Variants in CALN1 observed in about 807,000 individuals in gnomAD.
CALN1 encodes calcium-binding protein 8.
CALN1 carries 17 observed loss-of-function variants against 30.6 expected under a neutral mutation model. The observed-to-expected ratio is 0.56, with a 90% CI of 0.38 to 0.83. The LOEUF (loss-of-function observed/expected upper bound fraction) is 0.83. CALN1 is among the 40% of genes least tolerant of loss of function. The pLI, the probability that CALN1 is intolerant of heterozygous loss-of-function variation, is 0.00. For missense variants in CALN1, 291 were observed against 354.9 expected, an observed-to-expected ratio of 0.82 and a Z score of 1.45; for synonymous variants, 156 against 131.4, an observed-to-expected ratio of 1.19 and a Z score of -1.28.
chr7:72,245,127 T>TC, intron 3 of CALN1, among the ~76,000 whole-genome samples: 1 of 152,248 alleles, frequency 6.6e-6, no homozygotes, highest in Middle Eastern at 3.4e-3. Flanking sequence ...GACAGAACAA[T>TC]CCCCGCTGGA....
At chr7:72,493,663 T>G in the CALN1 span, among the ~76,000 whole-genome samples, 33 of 152,322 alleles carry the variant, frequency 2.2e-4, no homozygotes, top group Middle Eastern at 6.8e-3. Context: ...ATCATAACTC[T>G]TACAGCATCT....
At chr7:72,455,421 A>G in the CALN1 span, among the ~76,000 whole-genome samples, 1 of 151,744 alleles carries the variant, frequency 6.6e-6, no homozygotes, top group Non-Finnish European at 1.5e-5. Flanking sequence ...TATTATATAT[A>G]TATTTTTTCT....
chr7:71,986,025 T>C (rs939559871), intron 5 of CALN1, among the ~76,000 whole-genome samples: 1 of 151,968 alleles, frequency 6.6e-6, no homozygotes, highest in Non-Finnish European at 1.5e-5. Flanking sequence ...ATAATCTATA[T>C]TGACACGCAT....
intron 2 of CALN1, among the ~76,000 whole-genome samples, chr7:72,312,484 C>T (rs4645475): frequency 0.19 from 28,098 of 151,680 alleles, 3,628 homozygotes; most frequent in East Asian, 0.41. Context: ...AGCCATGTGC[C>T]CCAGGACAGA....
intron 2 of CALN1, among the ~76,000 whole-genome samples, chr7:72,381,811 T>C (rs1407806149): frequency 6.6e-6 from 1 of 152,234 alleles, no homozygotes; most frequent in Non-Finnish European, 1.5e-5. Flanking sequence ...GGCACATGTA[T>C]ACTTATGTAA....
At chr7:72,423,172 A>G (rs993931) in intron 1 of CALN1, among the ~76,000 whole-genome samples, 48,548 of 151,610 alleles carry the variant, frequency 0.32, 9,095 homozygotes, top group Middle Eastern at 0.47. Context: ...TATCAATTTC[A>G]CCTAATCTTA....
At chr7:71,937,335 A>AC (rs1795894092) in intron 5 of CALN1, among the ~76,000 whole-genome samples, 1 of 151,566 alleles carries the variant, frequency 6.6e-6, no homozygotes, top group Admixed American at 6.6e-5. Context: ...CCAAAAAAAA[A>AC]CCCCATACGT....
chr7:72,035,687 G>A (rs1487732969), intron 4 of CALN1, among the ~76,000 whole-genome samples: 2 of 151,952 alleles, frequency 1.3e-5, no homozygotes, highest in African/African-American at 2.4e-5. Context: ...CTCTAATTTG[G>A]ATTTATACCA....
intron 5 of CALN1, among the ~76,000 whole-genome samples, chr7:71,832,694 A>C (rs1789361885): frequency 6.6e-6 from 1 of 151,756 alleles, no homozygotes; most frequent in Admixed American, 6.6e-5. Context: ...TCTGCCTCCC[A>C]GGCTTAAGTG....
Position 71,801,373 on chromosome 7 carries a change from T to G in CALN1, c.658+8963A>C, listed in dbSNP as rs1412925432. Among the ~76,000 whole-genome samples, 4 of 151,858 alleles carry G rather than the reference T, an allele frequency of 2.6e-5. No homozygotes were observed. The East Asian group carries it at 5.8e-4, about 22-fold the overall frequency. On this transcript the variant is annotated intron_variant, in intron 6 of 6. Coordinates refer to ENST00000395275, the MANE Select transcript of CALN1 (RefSeq NM_031468.4). ...GACTACAGGTGCCTGCCACCATGCC[T>G]GGTTATGTATGTATGTATGTATGTA...
intron 5 of CALN1, among the ~76,000 whole-genome samples, chr7:72,007,406 G>T (rs889194813): frequency 7.9e-5 from 12 of 152,144 alleles, no homozygotes; most frequent in Non-Finnish European, 1.2e-4. Flanking sequence ...AATTAGCTGG[G>T]TATGGTGGCG....
In CALN1 at chr7:72,223,076, A is replaced by C. The variant is rs1192066210; in HGVS notation, c.244+55610T>G. Among the ~76,000 whole-genome samples, 3 of 152,338 alleles carry C rather than the reference A, an allele frequency of 2.0e-5. No individual in the cohort carries two copies. The East Asian group carries it at 5.8e-4, about 29-fold the overall frequency. ...GTAGCCCCTGCTTAGGGTGAGCTAC[A>C]GGCTCCTGTTAAAGCAGTTGGCACT... On this transcript the variant is annotated intron_variant, in intron 3 of 6. Coordinates refer to ENST00000395275, the MANE Select transcript of CALN1 (RefSeq NM_031468.4).
chr7:72,182,617 G>A (rs546861931), intron 3 of CALN1, among the ~76,000 whole-genome samples: 7 of 152,180 alleles, frequency 4.6e-5, no homozygotes, highest in East Asian at 3.9e-4. Flanking sequence ...CTACTTGGGA[G>A]GCTGAGGCGG....
At chr7:72,435,811 T>C (rs1187966722) in intron 1 of CALN1, among the ~76,000 whole-genome samples, 12 of 152,224 alleles carry the variant, frequency 7.9e-5, no homozygotes, top group Non-Finnish European at 1.3e-4. Context: ...AGCTTTATTA[T>C]AGTTTTTATT....
intron 2 of CALN1, among the ~76,000 whole-genome samples, chr7:72,318,833 T>C (rs1380531063): frequency 3.3e-4 from 1 of 3,022 alleles, no homozygotes; most frequent in South Asian, 0.25. Flanking sequence ...ATTTCAGGCA[T>C]GTGTCAGGAA....
At chr7:71,856,321 C>T (rs1386895180) in intron 5 of CALN1, among the ~76,000 whole-genome samples, 1 of 151,782 alleles carries the variant, frequency 6.6e-6, no homozygotes. Flanking sequence ...CAGGGTCTTA[C>T]TCTGTGGCCC....
intron 4 of CALN1, among the ~76,000 whole-genome samples, chr7:72,081,020 T>G (rs1426190763): frequency 2.6e-5 from 4 of 152,110 alleles, no homozygotes; most frequent in Admixed American, 2.6e-4. Context: ...AATGAGAACT[T>G]TCCGAGGGAT....
At chr7:71,968,289 TTA>T (rs1479609765) in intron 5 of CALN1, among the ~76,000 whole-genome samples, 1 of 151,982 alleles carries the variant, frequency 6.6e-6, no homozygotes, top group African/African-American at 2.4e-5. Context: ...GGCCAAAAGG[TTA>T]TATACTGTTT....
chr7:72,495,435 C>G, the CALN1 span, among the ~76,000 whole-genome samples: 1 of 152,158 alleles, frequency 6.6e-6, no homozygotes. Context: ...TGATTGAGAC[C>G]TACTCTGCAC....
Sources: allele counts gnomAD v4.1 joint callset (sites outside exome capture counted in the v4.1 genomes callset), GRCh38; gene constraint gnomAD v4.1.1; transcripts MANE v1.5; gene names NCBI Gene and HGNC (gene_info 2026-07-23, HGNC 2026-07-21).